NEBL: variants seen among roughly 807,000 people sequenced by gnomAD.
The protein encoded by NEBL is nebulette.
In NEBL, 122 loss-of-function variants were observed where a neutral mutation model predicts 140.2. The observed-to-expected ratio is 0.87, with a 90% CI of 0.75 to 1.01. The LOEUF (loss-of-function observed/expected upper bound fraction) is 1.01, where lower values mean the gene tolerates loss of function less well. NEBL is among the 50% of genes least tolerant of loss of function. The pLI is 0.00. For synonymous variants in NEBL, 436 were observed against 398.9 expected (o/e 1.09, Z -1.11); for missense variants, 1,365 against 1,231.3 (o/e 1.11, Z -1.62).
intron 3 of NEBL, among the ~76,000 whole-genome samples, chr10:20,990,495 C>A (rs1288814790): frequency 6.6e-6 from 1 of 152,158 alleles, no homozygotes; most frequent in Non-Finnish European, 1.5e-5. Context: ...ATCTGCAAAC[C>A]AGCAAGAGGG....
chr10:21,023,064 G>C (rs1266251375), intron 2 of NEBL, among the ~76,000 whole-genome samples: 1 of 152,168 alleles, frequency 6.6e-6, no homozygotes, highest in Non-Finnish European at 1.5e-5. Flanking sequence ...GTTCCAACTT[G>C]GGAAGTTGAA....
At position 20,835,615 on chromosome 10, in the gene NEBL, G is replaced by A. The variant is rs765401440; in HGVS notation, c.1347C>T (p.Tyr449=). The A allele has an allele frequency of 2.9e-5, 47 of 1,605,004 alleles. No individual in the cohort carries two copies. The highest frequency in any genetic ancestry group is 3.8e-5 in the Non-Finnish European group (45 of 1,174,438). The change falls in exon 14 of 28, where the codon TAC becomes TAT. Residue 449 remains tyrosine, a synonymous_variant. Coordinates refer to ENST00000377122, the MANE Select transcript of NEBL (RefSeq NM_006393.3). ...TAATTATTGACTCCAGGTCTTTCTTGTATTCTTTCTGCAAAAGACAACATT... is the reference window on the plus strand; with the variant it reads ...TAATTATTGACTCCAGGTCTTTCTTATATTCTTTCTGCAAAAGACAACATT... ...RASEMASEKE[Y]KKDLESIIKG...
intron 4 of NEBL, among the ~76,000 whole-genome samples, chr10:20,887,706 A>G (rs1846653945): frequency 6.6e-6 from 1 of 152,130 alleles, no homozygotes. Flanking sequence ...CCTGAGCCAG[A>G]GTGTCCAGCC....
chr10:20,864,746 C>A (rs1056646069), intron 7 of NEBL, among the ~76,000 whole-genome samples: 4 of 152,092 alleles, frequency 2.6e-5, no homozygotes, highest in African/African-American at 9.7e-5. Context: ...AACTTTAATG[C>A]TGTCAGTGAA....
intron 2 of NEBL, chr10:21,125,743 G>C: frequency 9.5e-7 from 1 of 1,051,036 alleles, no homozygotes; most frequent in Non-Finnish European, 1.4e-6. Flanking sequence ...TGCTCCACAG[G>C]GCACGGATGG....
chr10:20,848,703 C>T (rs1279564589), intron 11 of NEBL, among the ~76,000 whole-genome samples: 1 of 152,262 alleles, frequency 6.6e-6, no homozygotes, highest in East Asian at 1.9e-4. Context: ...GGAAGAGTTT[C>T]ATCCTAAAAC....
chr10:21,174,132 C>T (rs2132193890), exon 1 of NEBL: 4 of 668,950 alleles, frequency 6.0e-6, no homozygotes, highest in African/African-American at 1.9e-5. Flanking sequence ...CACAGTCACT[C>T]GCGCCCGCCC....
At chr10:21,006,080 G>T (rs1039404603) in intron 3 of NEBL, among the ~76,000 whole-genome samples, 1 of 152,030 alleles carries the variant, frequency 6.6e-6, no homozygotes, top group African/African-American at 2.4e-5. Flanking sequence ...CACTTCACAG[G>T]CATACCTCCA....
intron 2 of NEBL, among the ~76,000 whole-genome samples, chr10:21,044,295 G>A (rs1023686451): frequency 1.3e-5 from 2 of 150,836 alleles, no homozygotes; most frequent in Non-Finnish European, 2.9e-5. Context: ...AGCTCAGGAG[G>A]CTGAGGCAGG....
intron 3 of NEBL, among the ~76,000 whole-genome samples, chr10:20,962,482 AT>A (rs1836099592): frequency 6.6e-6 from 1 of 152,218 alleles, no homozygotes; most frequent in African/African-American, 2.4e-5. Context: ...AGTAGCGAAG[AT>A]TTTTTTCAGT....
intron 3 of NEBL, among the ~76,000 whole-genome samples, chr10:20,982,284 A>G (rs1229193878): frequency 6.6e-6 from 1 of 152,192 alleles, no homozygotes; most frequent in Non-Finnish European, 1.5e-5. Flanking sequence ...CCCCTCTCCA[A>G]ACTACTGCAT....
At chr10:21,214,523 C>T (rs1841961618) in intron 3 of NEBL, among the ~76,000 whole-genome samples, 1 of 150,852 alleles carries the variant, frequency 6.6e-6, no homozygotes, top group South Asian at 2.1e-4. Flanking sequence ...CACACATGCA[C>T]ATTACACACA....
intron 11 of NEBL, among the ~76,000 whole-genome samples, chr10:20,849,440 G>T (rs750066514): frequency 5.3e-5 from 8 of 152,234 alleles, no homozygotes; most frequent in Middle Eastern, 3.4e-3. Flanking sequence ...AACACTGTTG[G>T]GGGGTGGGAA....
At chr10:21,200,182 A>G (rs1841710558) in intron 3 of NEBL, among the ~76,000 whole-genome samples, 1 of 151,258 alleles carries the variant, frequency 6.6e-6, no homozygotes, top group Admixed American at 6.6e-5. Context: ...TGCGGCCCCC[A>G]CTCGCTACTC....
intron 3 of NEBL, among the ~76,000 whole-genome samples, chr10:20,964,033 G>A (rs1836179703): frequency 1.3e-5 from 2 of 152,184 alleles, no homozygotes; most frequent in Non-Finnish European, 2.9e-5. Context: ...AATTTTAAAT[G>A]TGGTATCAGA....
chr10:20,786,578 G>A (rs1184189695), intron 27 of NEBL, among the ~76,000 whole-genome samples: 1 of 152,168 alleles, frequency 6.6e-6, no homozygotes, highest in African/African-American at 2.4e-5. Context: ...TACATTCACA[G>A]ACTGAGGACA....
chr10:20,948,806 A>T (rs1589059688), intron 4 of NEBL, among the ~76,000 whole-genome samples: 2 of 152,214 alleles, frequency 1.3e-5, no homozygotes, highest in East Asian at 3.9e-4. Context: ...GCAAGAGAAC[A>T]ATATTTGGCA....
chr10:21,276,413 G>A (rs766408697), intron 1 of NEBL, among the ~76,000 whole-genome samples: 1 of 152,162 alleles, frequency 6.6e-6, no homozygotes, highest in South Asian at 2.1e-4. Flanking sequence ...TAGCCCTGGT[G>A]TGGCTTTTCA....
chr10:20,999,730 T>C (rs768439398), intron 3 of NEBL, among the ~76,000 whole-genome samples: 1 of 152,236 alleles, frequency 6.6e-6, no homozygotes, highest in Non-Finnish European at 1.5e-5. Flanking sequence ...CAATGAGGTC[T>C]GATGGCTCCA....
Sources: allele counts gnomAD v4.1 joint callset (sites outside exome capture counted in the v4.1 genomes callset), GRCh38; gene constraint gnomAD v4.1.1; transcripts MANE v1.5; gene names NCBI Gene and HGNC (gene_info 2026-07-23, HGNC 2026-07-21).